CRY1: variants seen among roughly 807,000 people sequenced by gnomAD.
CRY1 encodes cryptochrome circadian regulator 1, also known as cryptochrome-1.
CRY1 carries 45 observed loss-of-function variants against 76.0 expected under a neutral mutation model. The ratio of observed to expected loss-of-function variants is 0.59; its 90% confidence interval spans 0.47 to 0.76. CRY1 has a LOEUF of 0.76. Among genes scored for constraint, CRY1 ranks in the 30% least tolerant of loss-of-function variants. CRY1 has a pLI of 0.00. For synonymous variants in CRY1, 248 were observed against 244.0 expected, an observed-to-expected ratio of 1.02 and a Z score of -0.15; for missense variants, 587 against 716.4, an observed-to-expected ratio of 0.82 and a Z score of 2.06.
At chr12:107,003,933 A>G (rs530897958) in intron 3 of CRY1, among the ~76,000 whole-genome samples, 27 of 151,134 alleles carry the variant, frequency 1.8e-4, no homozygotes, top group African/African-American at 6.6e-4. Flanking sequence ...CAGCCTCCCA[A>G]GTAGCTGGAT....
chr12:107,064,135 T>C (rs2136886321), intron 1 of CRY1, among the ~76,000 whole-genome samples: 1 of 152,292 alleles, frequency 6.6e-6, no homozygotes, highest in Middle Eastern at 3.4e-3. Context: ...GGAATACTAT[T>C]CGACCTTTAA....
At chr12:107,044,850 A>G (rs1426802025) in intron 1 of CRY1, among the ~76,000 whole-genome samples, 1 of 152,184 alleles carries the variant, frequency 6.6e-6, no homozygotes. Context: ...TAAGAATGAA[A>G]AAGAACGAAG....
intron 2 of CRY1, among the ~76,000 whole-genome samples, chr12:107,013,994 A>T (rs1285901256): frequency 1.3e-5 from 2 of 152,222 alleles, no homozygotes; most frequent in Admixed American, 6.5e-5. Flanking sequence ...CAAAAGTACC[A>T]ATTGCAGAAA....
At chr12:107,010,475 C>T (rs1470284790) in intron 2 of CRY1, among the ~76,000 whole-genome samples, 1 of 152,132 alleles carries the variant, frequency 6.6e-6, no homozygotes, top group Non-Finnish European at 1.5e-5. Flanking sequence ...TAACGGCAAC[C>T]CTGCACTAAG....
At chr12:107,055,268 A>G (rs919403108) in intron 1 of CRY1, among the ~76,000 whole-genome samples, 1 of 152,140 alleles carries the variant, frequency 6.6e-6, no homozygotes, top group African/African-American at 2.4e-5. Flanking sequence ...TTGGAATATA[A>G]TAAATATTAT....
chr12:107,079,734 C>A (rs185126887), intron 1 of CRY1, among the ~76,000 whole-genome samples: 2 of 152,180 alleles, frequency 1.3e-5, no homozygotes, highest in African/African-American at 4.8e-5. Context: ...CTTTACACTT[C>A]AAGTTTCAGT....
chr12:107,007,150 G>A (rs970202771), intron 2 of CRY1, among the ~76,000 whole-genome samples: 5 of 152,078 alleles, frequency 3.3e-5, no homozygotes, highest in African/African-American at 1.2e-4. Context: ...TGCTATTTTT[G>A]AAATTTAAAA....
rs568374029 is a variant in CRY1, at chr12:107,026,601, T to C, written c.159-4409A>G. Among the ~76,000 whole-genome samples the C allele has an allele frequency of 3.0e-4, 45 of 152,234 alleles. 1 individual carries two copies. The South Asian group carries it at 9.1e-3, about 31-fold the overall frequency. On this transcript the variant is annotated intron_variant, in intron 1 of 12. Transcript: ENST00000008527. Reference sequence around the variant, plus strand: ...GGCAAACAAATCTCATTATGTGCCTTGTATAATTTGTTGAAAAGATTAGAA... The same window carrying C: ...GGCAAACAAATCTCATTATGTGCCTCGTATAATTTGTTGAAAAGATTAGAA...
chr12:107,034,591 GA>G (rs527732342), intron 1 of CRY1, among the ~76,000 whole-genome samples: 1 of 152,112 alleles, frequency 6.6e-6, no homozygotes, highest in Non-Finnish European at 1.5e-5. Context: ...ACATTCAAAG[GA>G]AATGCTCCAA....
chr12:107,093,116 CG>C lies in CRY1; in HGVS notation c.-156del. ...GAAAAAATGACTCCGAGGAGGGGAC[CG>C]GAGAAGGCGGGGGCGCCGGAGGCGC... On this transcript the variant is annotated 5_prime_UTR_variant, in exon 1 of 13. Transcript: ENST00000008527. The C allele has an allele frequency of 1.1e-6, 1 of 897,570 alleles. No individual in the cohort carries two copies. The highest frequency in any genetic ancestry group is 1.6e-6 in the Non-Finnish European group (1 of 629,000). 55.6% of individuals were successfully genotyped at this position (897,570 alleles called of 1,614,324 possible).
chr12:106,998,138 T>G (rs1443884983), intron 7 of CRY1, 72 bp from the exon 8 acceptor site: 1 of 1,550,366 alleles, frequency 6.5e-7, no homozygotes, highest in Non-Finnish European at 8.8e-7. Flanking sequence ...AAGGTCACAG[T>G]AGAGCCAAAG....
intron 1 of CRY1, among the ~76,000 whole-genome samples, chr12:107,025,328 G>A (rs1041220428): frequency 1.3e-5 from 2 of 152,136 alleles, no homozygotes; most frequent in African/African-American, 4.8e-5. Context: ...GGCAATGGAC[G>A]TACTTCTACA....
intron 3 of CRY1, among the ~76,000 whole-genome samples, chr12:107,003,518 C>T (rs778605547): frequency 1.1e-4 from 16 of 152,236 alleles, no homozygotes; most frequent in Non-Finnish European, 1.9e-4. Context: ...TTATACAATA[C>T]GTAGTGATGT....
chr12:107,003,843 A>G (rs1196147525), intron 3 of CRY1, among the ~76,000 whole-genome samples: 1 of 143,996 alleles, frequency 6.9e-6, no homozygotes, highest in African/African-American at 2.6e-5. Context: ...GTCTTGCTCT[A>G]TTGCCCAGGC....
Position 106,991,603 on chromosome 12 carries a change from A to T in CRY1, c.*399T>A, listed in dbSNP as rs924802935. 2 of 152,628 alleles carry T rather than the reference A, an allele frequency of 1.3e-5. No homozygotes were observed. Among genetic ancestry groups the T allele is most frequent in the Non-Finnish European group, 2.9e-5 (2 of 68,026 alleles). 9.5% of individuals were successfully genotyped at this position (152,628 alleles called of 1,614,324 possible). A position where few individuals can be genotyped will look rare whatever the true frequency, so the allele number is the denominator to read the frequency against. ...AGTTAGATCAAACAACATCAAGAAA[A>T]TTCTGTCCTAAAATTTTAACGTCTT... is the stretch of plus-strand genomic sequence containing the variant. On this transcript the variant is annotated 3_prime_UTR_variant, in exon 13 of 13. Coordinates refer to ENST00000008527, the MANE Select transcript of CRY1 (RefSeq NM_004075.5).
chr12:107,012,773 T>A (rs1172096768), intron 2 of CRY1, among the ~76,000 whole-genome samples: 1 of 152,174 alleles, frequency 6.6e-6, no homozygotes, highest in African/African-American at 2.4e-5. Context: ...GGTTAAAATA[T>A]CAACATTAAC....
intron 1 of CRY1, among the ~76,000 whole-genome samples, chr12:107,035,413 T>C (rs533876264): frequency 6.6e-5 from 10 of 152,334 alleles, no homozygotes; most frequent in Non-Finnish European, 1.2e-4. Flanking sequence ...GTGCCTGCTA[T>C]CATGAGGTTT....
intron 1 of CRY1, among the ~76,000 whole-genome samples, chr12:107,080,304 G>C (rs1953306176): frequency 6.6e-6 from 1 of 151,974 alleles, no homozygotes; most frequent in African/African-American, 2.4e-5. Context: ...CTGAGTTTGA[G>C]GTAATGTCAT....
chr12:107,080,588 G>A (rs1250175601), intron 1 of CRY1, among the ~76,000 whole-genome samples: 1 of 151,882 alleles, frequency 6.6e-6, no homozygotes, highest in Non-Finnish European at 1.5e-5. Context: ...AAGCACAGAA[G>A]AGTCCTTTAA....
Sources: gnomAD v4.1 joint callset for allele counts (sites outside exome capture counted in the v4.1 genomes callset) on GRCh38, gnomAD v4.1.1 for gene constraint, MANE v1.5 for transcripts, NCBI Gene and HGNC (gene_info 2026-07-23, HGNC 2026-07-21) for gene names.